SH3RF3: variants seen among roughly 807,000 people sequenced by gnomAD.
SH3RF3 encodes E3 ubiquitin-protein ligase SH3RF3.
A neutral mutation model predicts 66.3 loss-of-function variants in SH3RF3; 29 were observed. The ratio of observed to expected loss-of-function variants is 0.44; its 90% CI spans 0.33 to 0.60. The LOEUF is 0.60. SH3RF3 is among the 20% of genes least tolerant of loss of function. SH3RF3 has a pLI of 0.04. For missense variants in SH3RF3, 1,194 were observed against 1,190.9 expected, an observed-to-expected ratio of 1.00 and a Z score of -0.04; for synonymous variants, 583 against 532.0, an observed-to-expected ratio of 1.10 and a Z score of -1.32.
At chr2:109,251,011 AT>A (rs937310071) in intron 1 of SH3RF3, among the ~76,000 whole-genome samples, 4 of 150,562 alleles carry the variant, frequency 2.7e-5, no homozygotes, top group East Asian at 1.9e-4. Context: ...TTATTTATTT[AT>A]TTTTTTTGAG....
chr2:109,441,082 ATTAATTTATCTTTGT>A (rs1380103892), intron 7 of SH3RF3, among the ~76,000 whole-genome samples: 8 of 150,778 alleles, frequency 5.3e-5, no homozygotes, highest in African/African-American at 2.0e-4. Context: ...ACTATTTCTG[ATTAATTTATCTTTGT>A]CCCAGAACAA....
At chr2:109,320,648 C>G (rs10191691) in intron 1 of SH3RF3, among the ~76,000 whole-genome samples, 46,520 of 152,156 alleles carry the variant, frequency 0.31, 8,681 homozygotes, top group African/African-American at 0.53. Flanking sequence ...CTCTATAACA[C>G]CCAATATGCA....
At chr2:109,409,897 C>T (rs1436466817) in intron 4 of SH3RF3, among the ~76,000 whole-genome samples, 1 of 152,086 alleles carries the variant, frequency 6.6e-6, no homozygotes, top group African/African-American at 2.4e-5. Flanking sequence ...TTCACTGCTC[C>T]TTGGGGTGAT....
At chr2:109,494,544 A>C (rs1244930434) in intron 9 of SH3RF3, among the ~76,000 whole-genome samples, 1 of 152,176 alleles carries the variant, frequency 6.6e-6, no homozygotes, top group Non-Finnish European at 1.5e-5. Flanking sequence ...CTTGTGAGTA[A>C]AACTTACTTC....
At chr2:109,230,176 A>G (rs985723202) in intron 1 of SH3RF3, among the ~76,000 whole-genome samples, 2 of 151,772 alleles carry the variant, frequency 1.3e-5, no homozygotes, top group African/African-American at 4.8e-5. Flanking sequence ...TGGATATACT[A>G]TATATTGTTT....
chr2:109,239,782 G>A (rs1487303881), intron 1 of SH3RF3, among the ~76,000 whole-genome samples: 1 of 152,230 alleles, frequency 6.6e-6, no homozygotes, highest in African/African-American at 2.4e-5. Flanking sequence ...GGAGTCCCTT[G>A]TCTTTGGGAG....
intron 4 of SH3RF3, among the ~76,000 whole-genome samples, chr2:109,405,317 A>G (rs538423431): frequency 1.3e-5 from 2 of 152,050 alleles, no homozygotes; most frequent in South Asian, 4.2e-4. Flanking sequence ...AGGTGCCCTG[A>G]GCTAACACTC....
intron 2 of SH3RF3, 53 bp from the exon 3 acceptor site, chr2:109,371,533 T>A: frequency 3.3e-6 from 5 of 1,520,874 alleles, no homozygotes; most frequent in Non-Finnish European, 4.6e-6. Context: ...TGCTTCCTTT[T>A]TCATTGTGTG....
chr2:109,314,215 A>T (rs538385942), intron 1 of SH3RF3, among the ~76,000 whole-genome samples: 2 of 152,274 alleles, frequency 1.3e-5, no homozygotes, highest in Admixed American at 1.3e-4. Context: ...CACCAGAACC[A>T]TGTGGGTCAT....
At chr2:109,418,937 C>A (rs887671648) in intron 4 of SH3RF3, among the ~76,000 whole-genome samples, 1 of 152,108 alleles carries the variant, frequency 6.6e-6, no homozygotes, top group Non-Finnish European at 1.5e-5. Context: ...CTCCCTCGGC[C>A]CCCCCACTGT....
intron 1 of SH3RF3, among the ~76,000 whole-genome samples, chr2:109,335,180 G>A (rs533582506): frequency 2.6e-5 from 4 of 152,348 alleles, no homozygotes; most frequent in South Asian, 4.1e-4. Context: ...TGTTCCTTGC[G>A]CCTGATCTAG....
chr2:109,383,823 A>C (rs1675755613), intron 3 of SH3RF3, among the ~76,000 whole-genome samples: 1 of 152,174 alleles, frequency 6.6e-6, no homozygotes, highest in Non-Finnish European at 1.5e-5. Context: ...CATTTTCCAG[A>C]CGTCCTGTTT....
chr2:109,209,416 C>G (rs111979686), intron 1 of SH3RF3, among the ~76,000 whole-genome samples: 8,416 of 152,162 alleles, frequency 0.055, 545 homozygotes, highest in African/African-American at 0.16. Flanking sequence ...AGGGTGTAAA[C>G]ACTCCCACCT....
At chr2:109,196,168 A>G (rs1383672892) in intron 1 of SH3RF3, among the ~76,000 whole-genome samples, 3 of 152,204 alleles carry the variant, frequency 2.0e-5, no homozygotes, top group Non-Finnish European at 4.4e-5. Context: ...CTGGTTGGCC[A>G]TGGCAGAGCT....
chr2:109,473,822 G>A (rs1007277887), intron 8 of SH3RF3, among the ~76,000 whole-genome samples: 4 of 150,116 alleles, frequency 2.7e-5, no homozygotes, highest in East Asian at 2.0e-4. Context: ...CACCTTAGCC[G>A]CAGGCTGTCT....
intron 8 of SH3RF3, among the ~76,000 whole-genome samples, chr2:109,463,001 C>T (rs1319811157): frequency 6.6e-6 from 1 of 152,180 alleles, no homozygotes; most frequent in Non-Finnish European, 1.5e-5. Flanking sequence ...TTTGGGGAAG[C>T]CTGGGAGAAA....
At chr2:109,414,257 A>G (rs1676667823) in intron 4 of SH3RF3, among the ~76,000 whole-genome samples, 1 of 152,196 alleles carries the variant, frequency 6.6e-6, no homozygotes, top group Non-Finnish European at 1.5e-5. Context: ...CTGTGTACTT[A>G]GAGTGACTGC....
intron 4 of SH3RF3, among the ~76,000 whole-genome samples, chr2:109,418,554 C>A (rs1676785635): frequency 1.3e-5 from 2 of 152,178 alleles, no homozygotes; most frequent in African/African-American, 4.8e-5. Context: ...CTTCCTTCCC[C>A]TCCACATCCC....
At chr2:109,322,622 C>CAAATGTCA (rs936408162) in intron 1 of SH3RF3, among the ~76,000 whole-genome samples, 1 of 152,204 alleles carries the variant, frequency 6.6e-6, no homozygotes, top group Non-Finnish European at 1.5e-5. Flanking sequence ...AGTCGCCAGT[C>CAAATGTCA]AAATGTCAAA....
Sources: gnomAD v4.1 joint callset for allele counts (sites outside exome capture counted in the v4.1 genomes callset) on GRCh38, gnomAD v4.1.1 for gene constraint, MANE v1.5 for transcripts, NCBI Gene and HGNC (gene_info 2026-07-23, HGNC 2026-07-21) for gene names.